The following FYB2 variants were observed in gnomAD, a reference collection of about 807,000 sequenced individuals.
FYB2 encodes the protein FYN binding protein 2.
Under a neutral mutation model 94.1 loss-of-function variants are expected in FYB2, and 103 were observed. The observed-to-expected ratio is 1.09, with a 90% confidence interval of 0.93 to 1.29. The LOEUF (loss-of-function observed/expected upper bound fraction) is 1.29, where lower values mean the gene tolerates loss of function less well. Among genes scored for constraint, FYB2 ranks in the 50% most tolerant of loss-of-function variants. FYB2 has a pLI of 0.00. For missense variants in FYB2, 896 were observed against 841.5 expected (o/e 1.06, Z -0.80); for synonymous variants, 293 against 287.9 (o/e 1.02, Z -0.18).
intron 1 of FYB2, among the ~76,000 whole-genome samples, chr1:56,796,095 C>T (rs758772554): frequency 6.6e-6 from 1 of 152,188 alleles, no homozygotes; most frequent in Non-Finnish European, 1.5e-5. Context: ...GTGTCTACCA[C>T]TGACTTTCAG....
At chr1:56,807,112 C>A (rs544674202) in intron 1 of FYB2, among the ~76,000 whole-genome samples, 47 of 152,268 alleles carry the variant, frequency 3.1e-4, no homozygotes, top group Non-Finnish European at 6.6e-4. Flanking sequence ...ACAGAGCGTC[C>A]TTATTTGAAA....
At chr1:56,820,396 C>T (rs1570280485), upstream of FYB2, among the ~76,000 whole-genome samples, 1 of 152,200 alleles carries the variant, frequency 6.6e-6, no homozygotes, top group East Asian at 1.9e-4. Context: ...TCTGACAGAG[C>T]TGGAGATGGA....
In FYB2 at chr1:56,744,218, C is replaced by T. The variant is rs1645021515; in HGVS notation, c.1436G>A (p.Gly479Glu). The T allele has an allele frequency of 3.1e-6, 5 of 1,612,404 alleles. No individual in the cohort carries two copies. Among genetic ancestry groups the T allele is most frequent in the Non-Finnish European group, 2.5e-6 (3 of 1,179,274 alleles). The change falls in exon 10 of 20, where the codon GGG becomes GAG. Residue 479 changes from glycine to glutamate, a missense_variant. Gly to Glu is a moderately conservative substitution (Grantham distance 98). Coordinates refer to ENST00000343433, the MANE Select transcript of FYB2 (RefSeq NM_001004303.5). ...CGAGATGGAACTTGTCTTAGAGACC[C>T]CTAGGTCTGGAGTTTCTTTAGTTGA... ...LESTKETPDL[G>E]VSKTSSISEE...
chr1:56,745,674 T>C (rs1645051492), intron 9 of FYB2, among the ~76,000 whole-genome samples: 1 of 152,064 alleles, frequency 6.6e-6, no homozygotes, highest in Non-Finnish European at 1.5e-5. Flanking sequence ...CATTTTATTT[T>C]CAAGACAGAA....
intron 1 of FYB2, among the ~76,000 whole-genome samples, chr1:56,799,271 A>G (rs1012928967): frequency 2.4e-5 from 2 of 84,800 alleles, no homozygotes; most frequent in Non-Finnish European, 4.9e-5. Context: ...AAATATATTG[A>G]CAAATATACC....
At position 56,788,438 on chromosome 1, in the gene FYB2, TAGA is replaced by T. The variant is rs1240430021; in HGVS notation, c.919+532_919+534del. On this transcript the variant is annotated intron_variant, in intron 3 of 19. Transcript: ENST00000343433. The stretch of plus-strand genomic sequence containing the variant: ...GAGGGATGAGAGGTGTTCCTTTAAA[TAGA>T]AGAAGACACAAAATAGCACAGAAAA... Among the ~76,000 whole-genome samples the T allele has an allele frequency of 5.3e-5, 8 of 152,158 alleles. 1 individual carries two copies. The highest frequency in any genetic ancestry group is 1.9e-4 in the African/African-American group (8 of 41,452).
intron 4 of FYB2, among the ~76,000 whole-genome samples, chr1:56,781,792 C>T (rs1280497419): frequency 1.3e-5 from 2 of 152,210 alleles, no homozygotes; most frequent in Admixed American, 1.3e-4. Flanking sequence ...TACTCCACCT[C>T]CATTTCCTGA....
At chr1:56,728,916 C>A (rs1644642674) in intron 15 of FYB2, among the ~76,000 whole-genome samples, 1 of 152,034 alleles carries the variant, frequency 6.6e-6, no homozygotes, top group African/African-American at 2.4e-5. Flanking sequence ...GTGCCTTGCA[C>A]AAAGGACATG....
At chr1:56,743,507 A>C (rs1645002316) in intron 11 of FYB2, among the ~76,000 whole-genome samples, 1 of 152,038 alleles carries the variant, frequency 6.6e-6, no homozygotes, top group Non-Finnish European at 1.5e-5. Context: ...AGGGGAGGAA[A>C]GAGCATTCCG....
chr1:56,804,453 A>C (rs1480367539), intron 1 of FYB2, among the ~76,000 whole-genome samples: 1 of 152,214 alleles, frequency 6.6e-6, no homozygotes, highest in Non-Finnish European at 1.5e-5. Context: ...GGTCAGATGC[A>C]GTGGCTCATG....
At chr1:56,748,233 AG>A (rs1486971187) in intron 9 of FYB2, among the ~76,000 whole-genome samples, 3 of 152,132 alleles carry the variant, frequency 2.0e-5, no homozygotes, top group Admixed American at 6.6e-5. Context: ...TTTGCTGTGC[AG>A]AAGCTCTTTA....
At chr1:56,753,765 C>T in intron 8 of FYB2, 74 bp downstream of exon 8, 1 of 990,264 alleles carries the variant, frequency 1.0e-6, no homozygotes, top group Non-Finnish European at 1.6e-6. Flanking sequence ...AGAGCTCTCT[C>T]AGGCCATATA....
intron 5 of FYB2, among the ~76,000 whole-genome samples, chr1:56,762,888 CT>C (rs1374201060): frequency 7.9e-5 from 12 of 152,140 alleles, no homozygotes; most frequent in African/African-American, 2.9e-4. Flanking sequence ...TGTACATGTT[CT>C]TAATCAAGTT....
At chr1:56,721,799 A>G (rs962230404) in intron 17 of FYB2, among the ~76,000 whole-genome samples, 2 of 152,112 alleles carry the variant, frequency 1.3e-5, no homozygotes, top group Non-Finnish European at 2.9e-5. Context: ...ACTGCCATAT[A>G]TAATTTACTG....
At chr1:56,731,150 G>C (rs1442005177) in intron 15 of FYB2, among the ~76,000 whole-genome samples, 1 of 151,976 alleles carries the variant, frequency 6.6e-6, no homozygotes, top group Non-Finnish European at 1.5e-5. Flanking sequence ...CCAGGCTGCT[G>C]TTCCTCTGTA....
At chr1:56,756,021 T>A (rs1311406679) in intron 6 of FYB2, 94 bp from the exon 7 acceptor site, 2 of 1,236,158 alleles carry the variant, frequency 1.6e-6, no homozygotes, top group Non-Finnish European at 2.3e-6. Context: ...CACCAAAAGG[T>A]GAGGGGGATG....
At chr1:56,799,541 A>T (rs1350856907) in intron 1 of FYB2, among the ~76,000 whole-genome samples, 2 of 152,184 alleles carry the variant, frequency 1.3e-5, no homozygotes, top group Non-Finnish European at 2.9e-5. Context: ...AATTTTAATA[A>T]ATTACATGGC....
chr1:56,792,874 T>C lies in FYB2; in HGVS notation c.10-71A>G. The C allele has an allele frequency of 2.1e-6, 3 of 1,447,688 alleles. No individual in the cohort carries two copies. In the South Asian group the frequency reaches 4.0e-5, roughly 19 times the overall value. The allele number at this position is 1,447,688 out of a possible 1,614,324, so 89.7% of individuals were successfully genotyped here. On this transcript the variant is annotated intron_variant, in intron 1 of 19. Transcript: ENST00000343433. ...CAAACAACAACAACAAAAACAAGTG[T>C]CTCATTATTCCAAGAAAAAAAGTCA...
At chr1:56,749,193 TA>T (rs1280455586) in intron 9 of FYB2, among the ~76,000 whole-genome samples, 1 of 151,858 alleles carries the variant, frequency 6.6e-6, no homozygotes, top group Non-Finnish European at 1.5e-5. Flanking sequence ...TTGAGAACTT[TA>T]GGGTTCCTGG....
Sources: allele counts gnomAD v4.1 joint callset (sites outside exome capture counted in the v4.1 genomes callset), GRCh38; gene constraint gnomAD v4.1.1; transcripts MANE v1.5; gene names NCBI Gene and HGNC (gene_info 2026-07-23, HGNC 2026-07-21).